MACROD2: variants seen among roughly 807,000 people sequenced by gnomAD.
MACROD2 encodes mono-ADP ribosylhydrolase 2.
Under a neutral mutation model 70.4 loss-of-function variants are expected in MACROD2, and 36 were observed. The ratio of observed to expected loss-of-function variants is 0.51; its 90% CI spans 0.39 to 0.68. MACROD2 has a LOEUF of 0.68. Ranked by LOEUF, MACROD2 falls within the 30% of genes least tolerant of loss-of-function variation. MACROD2 has a pLI of 0.00. For missense variants in MACROD2, 496 were observed against 538.4 expected, an observed-to-expected ratio of 0.92 and a Z score of 0.78; for synonymous variants, 172 against 178.8, an observed-to-expected ratio of 0.96 and a Z score of 0.30.
intron 5 of MACROD2, among the ~76,000 whole-genome samples, chr20:14,856,943 G>A (rs2073261368): frequency 3.3e-5 from 5 of 151,888 alleles, no homozygotes; most frequent in South Asian, 4.1e-4. Context: ...TGTCACATGC[G>A]TATCTCAGCC....
intron 4 of MACROD2, among the ~76,000 whole-genome samples, chr20:14,589,049 T>C (rs999658620): frequency 1.3e-5 from 2 of 152,156 alleles, no homozygotes; most frequent in African/African-American, 4.8e-5. Context: ...CTGTATGACT[T>C]TCTGTTTCTG....
intron 5 of MACROD2, among the ~76,000 whole-genome samples, chr20:14,976,081 G>C (rs528444394): frequency 6.6e-6 from 1 of 152,168 alleles, no homozygotes; most frequent in Non-Finnish European, 1.5e-5. Flanking sequence ...GGTTGTTCCC[G>C]TTGTCTGTGC....
chr20:14,467,358 G>C (rs1255711739), intron 3 of MACROD2, among the ~76,000 whole-genome samples: 4 of 152,264 alleles, frequency 2.6e-5, no homozygotes, highest in African/African-American at 7.2e-5. Flanking sequence ...TAATCTCCTG[G>C]TGTGCCATTT....
intron 3 of MACROD2, among the ~76,000 whole-genome samples, chr20:14,399,294 G>T (rs1005807427): frequency 6.6e-6 from 1 of 151,980 alleles, no homozygotes; most frequent in African/African-American, 2.4e-5. Context: ...CTGCCACCGT[G>T]CCTGGCCTGA....
At chr20:15,669,332 A>G (rs1427181100) in intron 8 of MACROD2, among the ~76,000 whole-genome samples, 3 of 152,200 alleles carry the variant, frequency 2.0e-5, no homozygotes, top group Admixed American at 6.5e-5. Flanking sequence ...TGTGCAGGGT[A>G]TAAGTTTTTA....
At chr20:14,826,060 G>C (rs562100783) in intron 5 of MACROD2, among the ~76,000 whole-genome samples, 4 of 152,260 alleles carry the variant, frequency 2.6e-5, no homozygotes, top group African/African-American at 4.8e-5. Context: ...AGTACAGCAT[G>C]TGTTTGGTTT....
chr20:15,925,472 T>A (rs952889512), intron 10 of MACROD2, among the ~76,000 whole-genome samples: 1 of 152,172 alleles, frequency 6.6e-6, no homozygotes, highest in African/African-American at 2.4e-5. Flanking sequence ...GGGAGAACCG[T>A]ATGTTATTTA....
At chr20:15,058,848 G>A (rs971557964) in intron 5 of MACROD2, among the ~76,000 whole-genome samples, 3 of 152,168 alleles carry the variant, frequency 2.0e-5, no homozygotes, top group Non-Finnish European at 4.4e-5. Flanking sequence ...ATGTGAGAGA[G>A]TGTTTTAAGT....
At chr20:14,976,236 G>C (rs2074738484) in intron 5 of MACROD2, among the ~76,000 whole-genome samples, 1 of 152,188 alleles carries the variant, frequency 6.6e-6, no homozygotes, top group Non-Finnish European at 1.5e-5. Flanking sequence ...CTGGAGGTTA[G>C]TAGTCTAAAG....
chr20:14,986,867 G>A (rs1363990682), intron 5 of MACROD2, among the ~76,000 whole-genome samples: 1 of 152,116 alleles, frequency 6.6e-6, no homozygotes, highest in African/African-American at 2.4e-5. Context: ...GGCAAAAAAA[G>A]TATGACTGCA....
intron 8 of MACROD2, among the ~76,000 whole-genome samples, chr20:15,734,041 GA>G (rs1568998939): frequency 1.3e-5 from 2 of 152,152 alleles, no homozygotes; most frequent in Non-Finnish European, 2.9e-5. Context: ...GAAACATGGA[GA>G]AAGATTACTT....
intron 7 of MACROD2, among the ~76,000 whole-genome samples, chr20:15,447,360 T>C (rs1308975226): frequency 6.6e-6 from 1 of 152,178 alleles, no homozygotes; most frequent in Non-Finnish European, 1.5e-5. Flanking sequence ...TTTCCTGCTG[T>C]TTCCACTTCG....
intron 3 of MACROD2, among the ~76,000 whole-genome samples, chr20:14,225,715 A>C (rs2081726599): frequency 6.6e-6 from 1 of 152,250 alleles, no homozygotes; most frequent in African/African-American, 2.4e-5. Context: ...TTTTATAATG[A>C]GATTCCATAT....
intron 2 of MACROD2, among the ~76,000 whole-genome samples, chr20:14,062,505 A>G (rs1457430063): frequency 6.6e-6 from 1 of 152,182 alleles, no homozygotes; most frequent in Non-Finnish European, 1.5e-5. Flanking sequence ...CAGAAGGGAA[A>G]TGGCATTCCA....
chr20:15,441,197 G>A (rs1192738930), intron 7 of MACROD2, among the ~76,000 whole-genome samples: 1 of 152,076 alleles, frequency 6.6e-6, no homozygotes, highest in African/African-American at 2.4e-5. Flanking sequence ...CTCATTCACA[G>A]AAACATTGAT....
At chr20:15,386,868 G>A (rs2045720555) in intron 6 of MACROD2, among the ~76,000 whole-genome samples, 1 of 152,174 alleles carries the variant, frequency 6.6e-6, no homozygotes. Flanking sequence ...TGTAATATCT[G>A]TTCTTTTAAA....
At chr20:15,590,006 A>G (rs569205797) in intron 8 of MACROD2, among the ~76,000 whole-genome samples, 21 of 152,360 alleles carry the variant, frequency 1.4e-4, no homozygotes, top group African/African-American at 4.6e-4. Context: ...ATATAAAGTC[A>G]TAATTATTTA....
chr20:14,389,084 T>G (rs2083497688), intron 3 of MACROD2, among the ~76,000 whole-genome samples: 1 of 152,042 alleles, frequency 6.6e-6, no homozygotes, highest in Non-Finnish European at 1.5e-5. Flanking sequence ...TTCACCATGT[T>G]GGCCAAGCTG....
intron 2 of MACROD2, among the ~76,000 whole-genome samples, chr20:14,023,712 A>G (rs1032957740): frequency 6.6e-6 from 1 of 152,080 alleles, no homozygotes; most frequent in Non-Finnish European, 1.5e-5. Flanking sequence ...ATGGCTGTAG[A>G]TGTGTGGCAT....
Sources: gnomAD v4.1 joint callset for allele counts (sites outside exome capture counted in the v4.1 genomes callset) on GRCh38, gnomAD v4.1.1 for gene constraint, MANE v1.5 for transcripts, NCBI Gene and HGNC (gene_info 2026-07-23, HGNC 2026-07-21) for gene names.